NME7: variants seen among roughly 807,000 people sequenced by gnomAD.
NME7 encodes nucleoside diphosphate kinase 7.
In NME7, 41 loss-of-function variants were observed where a neutral mutation model predicts 49.1. That is an observed-to-expected ratio of 0.83 (90% CI 0.65 to 1.08). The LOEUF is 1.08. Among genes scored for constraint, NME7 ranks in the 50% least tolerant of loss-of-function variants. The pLI, the probability that NME7 is intolerant of heterozygous loss-of-function variation, is 0.00. For synonymous variants in NME7, 139 were observed against 150.6 expected (o/e 0.92, Z 0.56); for missense variants, 423 against 463.4 (o/e 0.91, Z 0.80).
At chr1:169,295,828 C>T (rs1650685828) in intron 6 of NME7, among the ~76,000 whole-genome samples, 1 of 152,114 alleles carries the variant, frequency 6.6e-6, no homozygotes, top group Non-Finnish European at 1.5e-5. Context: ...TCCCTTCAGA[C>T]CAACCAATAC....
chr1:169,366,295 G>T (rs1292424858), intron 1 of NME7, among the ~76,000 whole-genome samples: 1 of 152,194 alleles, frequency 6.6e-6, no homozygotes, highest in African/African-American at 2.4e-5. Context: ...TATTTAAAAG[G>T]CCATTAGAAA....
intron 1 of NME7, among the ~76,000 whole-genome samples, chr1:169,359,305 A>G (rs12044982): frequency 0.083 from 12,556 of 151,732 alleles, 706 homozygotes; most frequent in Admixed American, 0.19. Context: ...AATATTTTCA[A>G]TCCTCAATTG....
chr1:169,156,557 C>T (rs1419323), intron 11 of NME7, among the ~76,000 whole-genome samples: 60,078 of 151,976 alleles, frequency 0.4, 12,229 homozygotes, highest in East Asian at 0.74. Flanking sequence ...CTAGAGTCTT[C>T]GGCAAATGAT....
intron 1 of NME7, among the ~76,000 whole-genome samples, chr1:169,348,812 A>G (rs1653043328): frequency 6.6e-6 from 1 of 152,098 alleles, no homozygotes; most frequent in Non-Finnish European, 1.5e-5. Flanking sequence ...AAAAATGTAT[A>G]TCACCTATAT....
chr1:169,183,573 G>A (rs1336647692), intron 10 of NME7, among the ~76,000 whole-genome samples: 1 of 151,930 alleles, frequency 6.6e-6, no homozygotes, highest in Non-Finnish European at 1.5e-5. Flanking sequence ...AGGCTGAGGC[G>A]GGCGGATCAC....
chr1:169,328,515 A>G (rs1315173868), intron 1 of NME7, among the ~76,000 whole-genome samples: 1 of 152,216 alleles, frequency 6.6e-6, no homozygotes, highest in African/African-American at 2.4e-5. Flanking sequence ...CTCAGCTGCA[A>G]CTAACCCTAG....
intron 7 of NME7, 23 bp downstream of exon 7, chr1:169,287,280 T>G: frequency 6.7e-7 from 1 of 1,501,206 alleles, no homozygotes; most frequent in African/African-American, 1.4e-5. Flanking sequence ...CAAAATGTAC[T>G]GAATATAGTG....
chr1:169,364,535 C>T (rs1006319897), intron 1 of NME7, among the ~76,000 whole-genome samples: 14 of 151,422 alleles, frequency 9.2e-5, no homozygotes, highest in African/African-American at 2.2e-4. Context: ...CATATGCCAC[C>T]GCACCTGACT....
chr1:169,244,437 T>A (rs1326812092), intron 7 of NME7, among the ~76,000 whole-genome samples: 2 of 151,392 alleles, frequency 1.3e-5, no homozygotes, highest in Non-Finnish European at 2.9e-5. Context: ...ATCGAGACCA[T>A]CCTGGCTAAC....
At chr1:169,311,117 G>C (rs568226049) in intron 3 of NME7, among the ~76,000 whole-genome samples, 1 of 152,138 alleles carries the variant, frequency 6.6e-6, no homozygotes, top group East Asian at 1.9e-4. Flanking sequence ...ACTTAGCTCA[G>C]GATAAAATTC....
intron 10 of NME7, among the ~76,000 whole-genome samples, chr1:169,197,005 G>C (rs572992983): frequency 6.6e-6 from 1 of 152,070 alleles, no homozygotes; most frequent in Non-Finnish European, 1.5e-5. Flanking sequence ...AGTACAGAAC[G>C]GGGTTAGGAA....
intron 11 of NME7, among the ~76,000 whole-genome samples, chr1:169,155,410 A>T (rs1416219541): frequency 6.6e-6 from 1 of 152,210 alleles, no homozygotes; most frequent in African/African-American, 2.4e-5. Flanking sequence ...CGTTGTTTGG[A>T]ACTGCCTGTT....
chr1:169,214,886 C>G (rs1412061522), intron 10 of NME7, among the ~76,000 whole-genome samples: 2 of 152,222 alleles, frequency 1.3e-5, no homozygotes, highest in African/African-American at 2.4e-5. Flanking sequence ...TTAGCTCCAC[C>G]ACCTGTGGAC....
chr1:169,258,375 CATATATATATAT>C (rs71121749), intron 7 of NME7, among the ~76,000 whole-genome samples: 1,266 of 86,774 alleles, frequency 0.015, 162 homozygotes, highest in African/African-American at 0.036. Context: ...TAAAATAAAA[CATATATATATAT>C]ATATATATAT....
chr1:169,163,619 G>A (rs2101836559), intron 11 of NME7, among the ~76,000 whole-genome samples: 1 of 152,172 alleles, frequency 6.6e-6, no homozygotes, highest in South Asian at 2.1e-4. Flanking sequence ...TTAGATGGTA[G>A]TAATAAATGA....
In NME7 at chr1:169,230,825, A is replaced by G; in HGVS notation, c.889-6T>C. The stretch of plus-strand genomic sequence containing the variant: ...TACATTTCTGTCACCATGTCCTATG[A>G]TATGTAATATAAAAGAATGAAAAGA... On this transcript the variant is annotated splice_polypyrimidine_tract_variant and splice_region_variant and intron_variant, in intron 9 of 11. Transcript: ENST00000367811. 11 of 1,536,032 alleles carry G rather than the reference A, an allele frequency of 7.2e-6. No individual in the cohort carries two copies. Among genetic ancestry groups the G allele is most frequent in the Non-Finnish European group, 9.7e-6 (11 of 1,132,600 alleles).
chr1:169,171,488 C>T (rs558922934), intron 10 of NME7, among the ~76,000 whole-genome samples: 60 of 152,300 alleles, frequency 3.9e-4, no homozygotes, highest in Non-Finnish European at 7.6e-4. Context: ...GTTGGCCTAG[C>T]GCGGTGGATC....
intron 6 of NME7, 89 bp from the exon 7 acceptor site, chr1:169,287,497 T>A: frequency 1.1e-6 from 1 of 940,796 alleles, no homozygotes; most frequent in East Asian, 2.6e-5. Flanking sequence ...ATCATGCAAT[T>A]ACTTTTAGAG....
At chr1:169,187,040 GTTGTTCAGT>G (rs1175101788) in intron 10 of NME7, among the ~76,000 whole-genome samples, 1 of 152,094 alleles carries the variant, frequency 6.6e-6, no homozygotes, top group Non-Finnish European at 1.5e-5. Context: ...TCAGGAGCAG[GTTGTTCAGT>G]TTCCATGTAG....
Sources: gnomAD v4.1 joint callset for allele counts (sites outside exome capture counted in the v4.1 genomes callset) on GRCh38, gnomAD v4.1.1 for gene constraint, MANE v1.5 for transcripts, NCBI Gene and HGNC (gene_info 2026-07-23, HGNC 2026-07-21) for gene names.